Variants in EML4 observed in about 807,000 individuals in gnomAD.
The protein encoded by EML4 is EMAP like 4, also known as echinoderm microtubule-associated protein-like 4.
Under a neutral mutation model 129.0 loss-of-function variants are expected in EML4, and 72 were observed. The observed-to-expected ratio is 0.56, with a 90% confidence interval of 0.46 to 0.68. The LOEUF is 0.68. EML4 is among the 30% of genes least tolerant of loss of function. The pLI, the probability that EML4 is intolerant of heterozygous loss-of-function variation, is 0.00. For synonymous variants in EML4, 532 were observed against 405.0 expected, an observed-to-expected ratio of 1.31 and a Z score of -3.77; for missense variants, 1,363 against 1,190.6, an observed-to-expected ratio of 1.14 and a Z score of -2.13.
chr2:42,186,117 T>C (rs1468691001), intron 1 of EML4, among the ~76,000 whole-genome samples: 4 of 152,238 alleles, frequency 2.6e-5, no homozygotes, highest in Admixed American at 2.6e-4. Context: ...AACTTTGCTG[T>C]GTCTGTTTTT....
At chr2:42,326,306 A>G (rs1295575361) in intron 21 of EML4, 54 bp downstream of exon 21, 4 of 1,191,250 alleles carry the variant, frequency 3.4e-6, no homozygotes, top group Admixed American at 2.0e-5. Flanking sequence ...TTTATATATA[A>G]TATTTACTTG....
chr2:42,188,620 A>G (rs1169742259), intron 1 of EML4, among the ~76,000 whole-genome samples: 1 of 151,870 alleles, frequency 6.6e-6, no homozygotes, highest in African/African-American at 2.4e-5. Flanking sequence ...ATCTTGGCTC[A>G]CTGCAGCCTC....
chr2:42,180,524 G>C (rs1670871183), intron 1 of EML4, among the ~76,000 whole-genome samples: 1 of 152,124 alleles, frequency 6.6e-6, no homozygotes, highest in Non-Finnish European at 1.5e-5. Context: ...GCTTGTTTTA[G>C]TCATTTCTTT....
chr2:42,250,229 A>G (rs1008798889), intron 2 of EML4, among the ~76,000 whole-genome samples: 16 of 152,234 alleles, frequency 1.1e-4, no homozygotes, highest in African/African-American at 3.6e-4. Flanking sequence ...GCCACTTGAG[A>G]AACGAAAGAA....
chr2:42,261,079 T>G (rs1314672919), intron 3 of EML4, 42 bp from the exon 4 acceptor site: 2 of 1,419,728 alleles, frequency 1.4e-6, no homozygotes, highest in African/African-American at 2.9e-5. Context: ...TTTTTTCATT[T>G]GTTTAAATGT....
At chr2:42,218,820 C>G (rs55953144) in intron 1 of EML4, among the ~76,000 whole-genome samples, 20,050 of 152,078 alleles carry the variant, frequency 0.13, 1,439 homozygotes, top group Middle Eastern at 0.23. Flanking sequence ...TTTTCAAAAT[C>G]AGTGAAATTT....
At chr2:42,174,731 C>T (rs1022871041) in intron 1 of EML4, among the ~76,000 whole-genome samples, 1 of 152,130 alleles carries the variant, frequency 6.6e-6, no homozygotes, top group African/African-American at 2.4e-5. Flanking sequence ...TTACAAAGAG[C>T]TTTTATCTCA....
intron 13 of EML4, 63 bp from the exon 14 acceptor site, chr2:42,301,178 A>C: frequency 6.9e-7 from 1 of 1,455,870 alleles, no homozygotes; most frequent in Non-Finnish European, 9.4e-7. Flanking sequence ...TTTTCTTCCA[A>C]ATAGACACTA....
chr2:42,277,940 C>T (rs1252187865), intron 6 of EML4, among the ~76,000 whole-genome samples: 2 of 152,178 alleles, frequency 1.3e-5, no homozygotes, highest in East Asian at 3.8e-4. Context: ...CCTTCCTCTT[C>T]ATGGTTTGCA....
At chr2:42,221,206 G>A (rs893662685) in intron 1 of EML4, among the ~76,000 whole-genome samples, 1 of 152,076 alleles carries the variant, frequency 6.6e-6, no homozygotes, top group African/African-American at 2.4e-5. Flanking sequence ...CTAGAGAAGA[G>A]AAGCCAATGC....
Position 42,177,046 on chromosome 2 carries a change from G to T in EML4, c.25+7410G>T, listed in dbSNP as rs571513555. On this transcript the variant is annotated intron_variant, in intron 1 of 22. Coordinates refer to ENST00000318522, the MANE Select transcript of EML4 (RefSeq NM_019063.5). ...GACCTCAAGTGATCTGCCCGCTGAGGCCTCCCAGAGTGCTGGGGGATTGCA... is the reference window on the plus strand; with the variant it reads ...GACCTCAAGTGATCTGCCCGCTGAGTCCTCCCAGAGTGCTGGGGGATTGCA... Among the ~76,000 whole-genome samples the T allele has an allele frequency of 3.8e-4, 58 of 152,250 alleles. 1 individual carries two copies. Among genetic ancestry groups the T allele is most frequent in the Middle Eastern group, 3.4e-3 (1 of 294 alleles).
intron 1 of EML4, among the ~76,000 whole-genome samples, chr2:42,213,610 C>T (rs6713259): frequency 0.61 from 92,721 of 152,038 alleles, 28,591 homozygotes; most frequent in East Asian, 0.75. Flanking sequence ...AGATGTGTGC[C>T]TCAACTTTGT....
chr2:42,189,744 G>A (rs560685501), intron 1 of EML4, among the ~76,000 whole-genome samples: 6 of 152,314 alleles, frequency 3.9e-5, no homozygotes, highest in Admixed American at 2.0e-4. Context: ...AAGCACTGAA[G>A]CCCAAGTCAT....
At chr2:42,265,135 G>C (rs895730960) in intron 6 of EML4, among the ~76,000 whole-genome samples, 1 of 152,046 alleles carries the variant, frequency 6.6e-6, no homozygotes, top group African/African-American at 2.4e-5. Flanking sequence ...CTGTTGCCCA[G>C]GGTGGAATGC....
intron 19 of EML4, among the ~76,000 whole-genome samples, chr2:42,319,126 T>G (rs1196453080): frequency 1.3e-5 from 2 of 152,218 alleles, no homozygotes; most frequent in Admixed American, 1.3e-4. Context: ...AGCCCACTTT[T>G]CAGAGAAGAT....
chr2:42,326,393 A>G (rs1394161145), intron 21 of EML4, 141 bp downstream of exon 21: 3 of 601,744 alleles, frequency 5.0e-6, no homozygotes, highest in South Asian at 2.6e-5. Flanking sequence ...GAGAAATTAA[A>G]TGTATTAGGA....
intron 9 of EML4, among the ~76,000 whole-genome samples, chr2:42,285,652 G>A (rs2103629424): frequency 6.7e-6 from 1 of 149,152 alleles, no homozygotes; most frequent in East Asian, 2.0e-4. Flanking sequence ...AGGCTGGAGT[G>A]CAGTGGCACA....
intron 1 of EML4, among the ~76,000 whole-genome samples, chr2:42,244,724 CATT>C (rs1289863519): frequency 1.3e-5 from 2 of 152,106 alleles, no homozygotes; most frequent in Non-Finnish European, 2.9e-5. Context: ...GCTTCCTCAT[CATT>C]GTTGGTTAAG....
intron 3 of EML4, among the ~76,000 whole-genome samples, chr2:42,259,385 C>T (rs1282966241): frequency 6.6e-6 from 1 of 151,996 alleles, no homozygotes; most frequent in Non-Finnish European, 1.5e-5. Context: ...TATAAGTATG[C>T]TTATCCAGTC....
Sources: gnomAD v4.1 joint callset for allele counts (sites outside exome capture counted in the v4.1 genomes callset) on GRCh38, gnomAD v4.1.1 for gene constraint, MANE v1.5 for transcripts, NCBI Gene and HGNC (gene_info 2026-07-23, HGNC 2026-07-21) for gene names.